Variants in SLC7A5 observed in about 807,000 individuals in gnomAD.
The protein encoded by SLC7A5 is solute carrier family 7 member 5.
SLC7A5 carries 23 observed loss-of-function variants against 50.2 expected under a neutral mutation model. The ratio of observed to expected loss-of-function variants is 0.46; its 90% CI spans 0.33 to 0.65. The LOEUF (loss-of-function observed/expected upper bound fraction) is 0.65, where lower values mean the gene tolerates loss of function less well. Among genes scored for constraint, SLC7A5 ranks in the 30% least tolerant of loss-of-function variants. The pLI is 0.02. For synonymous variants in SLC7A5, 393 were observed against 330.6 expected (o/e 1.19, Z -2.05); for missense variants, 578 against 684.4 (o/e 0.84, Z 1.73).
intron 1 of SLC7A5, among the ~76,000 whole-genome samples, chr16:87,859,831 C>G (rs1473865797): frequency 1.3e-5 from 2 of 152,120 alleles, no homozygotes; most frequent in African/African-American, 4.8e-5. Flanking sequence ...ATCCCAGCTA[C>G]TTGCGAGGCT....
intron 2 of SLC7A5, among the ~76,000 whole-genome samples, chr16:87,842,466 C>A (rs1226738865): frequency 6.6e-6 from 1 of 152,234 alleles, no homozygotes; most frequent in Non-Finnish European, 1.5e-5. Context: ...GGCAATTACC[C>A]CAAACAAAGT....
intron 2 of SLC7A5, among the ~76,000 whole-genome samples, chr16:87,849,553 G>A (rs78467040): frequency 0.026 from 4,033 of 152,190 alleles, 172 homozygotes; most frequent in African/African-American, 0.089. Context: ...TCTGATGAGC[G>A]CAGCCAAGCA....
At chr16:87,859,342 A>C (rs1353928222) in intron 1 of SLC7A5, among the ~76,000 whole-genome samples, 2 of 152,206 alleles carry the variant, frequency 1.3e-5, no homozygotes, top group African/African-American at 2.4e-5. Context: ...CTGAAGCCAC[A>C]CATGAGAGCC....
chr16:87,834,856 C>T (rs56207802), intron 8 of SLC7A5, among the ~76,000 whole-genome samples: 15,064 of 152,306 alleles, frequency 0.099, 892 homozygotes, highest in South Asian at 0.24. Context: ...AGGCCTCCCA[C>T]GGGCAGGGAA....
chr16:87,848,238 A>G (rs876986), intron 2 of SLC7A5, among the ~76,000 whole-genome samples: 315 of 152,374 alleles, frequency 2.1e-3, no homozygotes, highest in African/African-American at 6.9e-3. Context: ...CCAACTATCC[A>G]ATCTGTAACT....
chr16:87,864,339 T>C (rs2055436351), intron 1 of SLC7A5, among the ~76,000 whole-genome samples: 1 of 152,088 alleles, frequency 6.6e-6, no homozygotes, highest in African/African-American at 2.4e-5. Context: ...TAAATCACTT[T>C]CTATGGCTTT....
intron 9 of SLC7A5, 32 bp downstream of exon 9, chr16:87,834,382 T>C (rs772057623): frequency 2.6e-6 from 4 of 1,549,624 alleles, no homozygotes; most frequent in South Asian, 2.4e-5. Context: ...GGGCAGAGGG[T>C]ACCACGGGCT....
chr16:87,866,869 C>T (rs545874443), intron 1 of SLC7A5, among the ~76,000 whole-genome samples: 1 of 152,184 alleles, frequency 6.6e-6, no homozygotes, highest in African/African-American at 2.4e-5. Flanking sequence ...TTCCTGGTGG[C>T]CAATGAAGCA....
intron 1 of SLC7A5, among the ~76,000 whole-genome samples, chr16:87,855,259 G>A (rs779408536): frequency 6.6e-5 from 10 of 152,234 alleles, no homozygotes; most frequent in Non-Finnish European, 1.0e-4. Flanking sequence ...AGCATGAGGT[G>A]GGGGACACCC....
chr16:87,840,068 G>C (rs1056893107), intron 4 of SLC7A5, among the ~76,000 whole-genome samples: 2 of 152,208 alleles, frequency 1.3e-5, no homozygotes, highest in Admixed American at 6.5e-5. Context: ...CTGAGAAATG[G>C]GGATTCTTCG....
chr16:87,838,699 T>C lies in SLC7A5; in HGVS notation c.1043+15A>G. The C allele has an allele frequency of 1.9e-6, 3 of 1,601,738 alleles. No individual in the cohort carries two copies. The highest frequency in any genetic ancestry group is 2.6e-6 in the Non-Finnish European group (3 of 1,169,090). ...CTGGGCCTCCCTCACCTGTGGTGGG[T>C]CGGGCTGTGCTCACCTGGAGGATGT... On this transcript the variant is annotated intron_variant, in intron 6 of 9. Transcript: ENST00000261622.
chr16:87,835,611 C>T lies in SLC7A5; in HGVS notation c.1290+887G>A, dbSNP rs369922467. Reference sequence around the variant, plus strand: ...GCCTCCACCTCCCGAGTAGCTGCAACTATAGGCGCCCGCCACCACGCCCAG... The same window carrying T: ...GCCTCCACCTCCCGAGTAGCTGCAATTATAGGCGCCCGCCACCACGCCCAG... On this transcript the variant is annotated intron_variant, in intron 8 of 9. Transcript: ENST00000261622. Among the ~76,000 whole-genome samples the T allele has an allele frequency of 2.0e-5, 3 of 152,326 alleles. 1 individual carries two copies. In the East Asian group the frequency reaches 5.8e-4, roughly 29 times the overall value.
At chr16:87,858,888 C>G (rs1297855878) in intron 1 of SLC7A5, among the ~76,000 whole-genome samples, 1 of 152,234 alleles carries the variant, frequency 6.6e-6, no homozygotes, top group Admixed American at 6.5e-5. Context: ...GCCAGGGCCT[C>G]TCCCCAATCC....
chr16:87,856,492 C>G (rs1395091669), intron 1 of SLC7A5, among the ~76,000 whole-genome samples: 1 of 152,200 alleles, frequency 6.6e-6, no homozygotes, highest in African/African-American at 2.4e-5. Flanking sequence ...CTACAGCTGG[C>G]CCGACACCGG....
Position 87,860,767 on chromosome 16 carries a change from G to T in SLC7A5, c.538+8118C>A, listed in dbSNP as rs7187666. Among the ~76,000 whole-genome samples the T allele has an allele frequency of 4.6e-5, 7 of 152,286 alleles. No individual in the cohort carries two copies. Among genetic ancestry groups the T allele is most frequent in the Non-Finnish European group, 8.8e-5 (6 of 68,024 alleles). On this transcript the variant is annotated intron_variant, in intron 1 of 9. Transcript: ENST00000261622. The surrounding 1 kb of genome is among the most constrained non-coding windows in gnomAD (Gnocchi z 4.8). The stretch of plus-strand genomic sequence containing the variant: ...CTCAGCAGGGATCGAGTTTGCGGGC[G>T]TCACGCTCCAAGGCCCAGAATAGGA...
chr16:87,867,805 C>T (rs1278390218), intron 1 of SLC7A5, among the ~76,000 whole-genome samples: 2 of 152,140 alleles, frequency 1.3e-5, no homozygotes, highest in Non-Finnish European at 2.9e-5. Flanking sequence ...TGATTTTCCC[C>T]CTGAAATCCC....
At chr16:87,834,159 C>G (rs1466086442) in intron 9 of SLC7A5, among the ~76,000 whole-genome samples, 1 of 152,188 alleles carries the variant, frequency 6.6e-6, no homozygotes, top group Non-Finnish European at 1.5e-5. Context: ...TGGCAGCCAG[C>G]AGGATTTTGT....
At position 87,833,090 on chromosome 16, in the gene SLC7A5, C is replaced by A. The variant is rs954794006; in HGVS notation, c.1469-65G>T. On this transcript the variant is annotated intron_variant, in intron 9 of 9. Transcript: ENST00000261622. This position sits in a 1 kb window ranked among gnomAD's most constrained non-coding sequence, Gnocchi z 6.0. ...GGTAGGCACCCGTGGGACACGGGGGCGTGAGCTGGGGCTCCCCCAGCCCTG... is the reference window on the plus strand; with the variant it reads ...GGTAGGCACCCGTGGGACACGGGGGAGTGAGCTGGGGCTCCCCCAGCCCTG... 35 of 1,410,460 alleles carry A rather than the reference C, an allele frequency of 2.5e-5. No individual in the cohort carries two copies. The highest frequency in any genetic ancestry group is 2.4e-4 in the South Asian group (21 of 86,886). 87.4% of individuals were successfully genotyped at this position (1,410,460 alleles called of 1,614,324 possible).
At position 87,837,839 on chromosome 16, in the gene SLC7A5, G is replaced by T; in HGVS notation, c.1140+6C>A. 1 of 1,599,670 alleles carries T rather than the reference G, an allele frequency of 6.3e-7. No homozygotes were observed. The highest frequency in any genetic ancestry group is 8.5e-7 in the Non-Finnish European group (1 of 1,174,454). ...TGTAGGGCACAGGGCCGTGCAGCAG[G>T]CTTACCGTGAACACGAGGGACGGCA... On this transcript the variant is annotated splice_donor_region_variant and intron_variant, in intron 7 of 9. Coordinates refer to ENST00000261622, the MANE Select transcript of SLC7A5 (RefSeq NM_003486.7).
Sources: allele counts gnomAD v4.1 joint callset (sites outside exome capture counted in the v4.1 genomes callset), GRCh38; gene constraint gnomAD v4.1.1; non-coding constraint Gnocchi (gnomAD v3.1); transcripts MANE v1.5; gene names NCBI Gene and HGNC (gene_info 2026-07-23, HGNC 2026-07-21).